Variants in EXOC5 observed in about 807,000 individuals in gnomAD.
EXOC5 encodes the protein exocyst complex component 5, also known as SEC10-like 1.
A neutral mutation model predicts 90.8 loss-of-function variants in EXOC5; 17 were observed. The ratio of observed to expected loss-of-function variants is 0.19; its 90% CI spans 0.13 to 0.28. The LOEUF (loss-of-function observed/expected upper bound fraction) is 0.28, where lower values mean the gene tolerates loss of function less well. Ranked by LOEUF, EXOC5 falls within the 10% of genes least tolerant of loss-of-function variation. The probability of loss-of-function intolerance (pLI) is 1.00; values close to 1 mark genes in which losing one functional copy is unlikely to be tolerated. For missense variants in EXOC5, 569 were observed against 830.6 expected, an observed-to-expected ratio of 0.69 and a Z score of 3.87; for synonymous variants, 260 against 270.0, an observed-to-expected ratio of 0.96 and a Z score of 0.36.
chr14:57,248,584 G>A (rs922530558), intron 1 of EXOC5, among the ~76,000 whole-genome samples: 4 of 152,006 alleles, frequency 2.6e-5, no homozygotes, highest in Middle Eastern at 3.4e-3. Flanking sequence ...AATTTCAAAT[G>A]TTCACCATCA....
At chr14:57,265,443 C>T (rs1045886108) in intron 1 of EXOC5, among the ~76,000 whole-genome samples, 11 of 152,190 alleles carry the variant, frequency 7.2e-5, no homozygotes, top group African/African-American at 2.2e-4. Context: ...AAAGAACTGG[C>T]GGGGCACGGT....
intron 14 of EXOC5, 35 bp from the exon 15 acceptor site, chr14:57,218,103 TAATA>T: frequency 9.6e-7 from 1 of 1,038,966 alleles, no homozygotes; most frequent in Non-Finnish European, 1.5e-6. Flanking sequence ...AGAATCATAT[TAATA>T]GTCTAATATT....
At chr14:57,261,882 A>T (rs1475448393) in intron 1 of EXOC5, among the ~76,000 whole-genome samples, 1 of 152,096 alleles carries the variant, frequency 6.6e-6, no homozygotes, top group Non-Finnish European at 1.5e-5. Flanking sequence ...GCAAATCACT[A>T]CATAGCATCA....
intron 5 of EXOC5, among the ~76,000 whole-genome samples, chr14:57,238,340 C>T (rs1594668166): frequency 1.2e-5 from 1 of 81,576 alleles, no homozygotes; most frequent in East Asian, 3.7e-4. Flanking sequence ...AATATATATC[C>T]TAATTAGACA....
At position 57,201,509 on chromosome 14, in the gene EXOC5, CATAT is replaced by C. The variant is rs1271157259; in HGVS notation, c.*7096_*7099del. The C allele has an allele frequency of 1.4e-5, 2 of 140,186 alleles. No homozygotes were observed. The highest frequency in any genetic ancestry group is 5.7e-5 in the African/African-American group (2 of 35,242). 8.7% of individuals were successfully genotyped at this position (140,186 alleles called of 1,614,324 possible). ...ATAAACACACGTGTATATACACACACATATGTATATATATACACACACACCACAC... is the reference window on the plus strand; with the variant it reads ...ATAAACACACGTGTATATACACACACGTATATATATACACACACACCACAC... On this transcript the variant is annotated 3_prime_UTR_variant, in exon 18 of 18. Coordinates refer to ENST00000621441, the MANE Select transcript of EXOC5 (RefSeq NM_006544.4).
At chr14:57,261,455 T>G (rs1884501802) in intron 1 of EXOC5, among the ~76,000 whole-genome samples, 1 of 152,198 alleles carries the variant, frequency 6.6e-6, no homozygotes, top group Non-Finnish European at 1.5e-5. Flanking sequence ...ATAAAATACT[T>G]AAATGGAACT....
At position 57,247,090 on chromosome 14, in the gene EXOC5, C is replaced by T. The variant is rs559376808; in HGVS notation, c.123-232G>A. ...CCAGGCCACATGGCTTTAAAGCAAA[C>T]ATGACATTTGAAAATATAGCCAGGC... On this transcript the variant is annotated intron_variant, in intron 2 of 17. Transcript: ENST00000621441. Among the ~76,000 whole-genome samples the T allele has an allele frequency of 4.1e-4, 63 of 152,268 alleles. 1 individual carries two copies. The South Asian group carries it at 0.013, about 31-fold the overall frequency.
intron 3 of EXOC5, among the ~76,000 whole-genome samples, chr14:57,245,430 G>T (rs911601635): frequency 2.6e-5 from 4 of 152,020 alleles, no homozygotes; most frequent in African/African-American, 7.3e-5. Flanking sequence ...CCATGAAAAG[G>T]TTAAATTGCT....
chr14:57,244,217 T>C lies in EXOC5; in HGVS notation c.413A>G (p.Asn138Ser). The change falls in exon 4 of 18, where the codon AAT becomes AGT. Residue 138 changes from asparagine (N) to serine (S), a missense_variant. By Grantham distance (46) the Asn-to-Ser change is conservative (BLOSUM62 1). This residue lies in a region of EXOC5 where 97 missense variants were observed against 177.9 expected (regional missense o/e 0.55). Transcript: ENST00000621441. ...TTTCAATTCTCCATCTAGAAACTCATTAAAGTATTTCATCAATTTCTGAGC... is the reference window on the plus strand; with the variant it reads ...TTTCAATTCTCCATCTAGAAACTCACTAAAGTATTTCATCAATTTCTGAGC... ...VEAQKLMKYFNEFLDGELKSD... is the reference protein window; with the variant it reads ...VEAQKLMKYFSEFLDGELKSD... The C allele has an allele frequency of 1.2e-6, 2 of 1,613,824 alleles. No homozygotes were observed. Among genetic ancestry groups the C allele is most frequent in the South Asian group, 1.1e-5 (1 of 91,086 alleles).
intron 9 of EXOC5, among the ~76,000 whole-genome samples, 164 bp downstream of exon 9, chr14:57,233,579 C>T (rs188540936): frequency 6.6e-6 from 1 of 152,142 alleles, no homozygotes; most frequent in East Asian, 1.9e-4. Context: ...TTGGTGAATA[C>T]AAAACATTTT....
At chr14:57,254,359 C>T (rs529793115) in intron 1 of EXOC5, among the ~76,000 whole-genome samples, 2 of 151,666 alleles carry the variant, frequency 1.3e-5, no homozygotes, top group Admixed American at 6.6e-5. Flanking sequence ...CACTTGAACT[C>T]GTGAGGCAGA....
Position 57,204,207 on chromosome 14 carries a change from GAATT to G in EXOC5, c.*4398_*4401del, listed in dbSNP as rs1472188477. On this transcript the variant is annotated 3_prime_UTR_variant, in exon 18 of 18. Transcript: ENST00000621441. ...TACCTCGGGTCTAGTTCAAAAATAG[GAATT>G]TTGTTAAGCCCAGGGGCAGCCTAGC... The G allele has an allele frequency of 6.6e-6, 1 of 152,100 alleles. No homozygotes were observed. The highest frequency in any genetic ancestry group is 2.4e-5 in the African/African-American group (1 of 41,434). The allele number at this position is 152,100 out of a possible 1,614,324, so 9.4% of individuals were successfully genotyped here.
intron 1 of EXOC5, among the ~76,000 whole-genome samples, chr14:57,248,430 C>G (rs1238458966): frequency 2.0e-5 from 3 of 151,472 alleles, no homozygotes; most frequent in African/African-American, 7.3e-5. Flanking sequence ...CTTTTAAAAT[C>G]ATGATAATGT....
At chr14:57,255,493 C>T (rs1014043343) in intron 1 of EXOC5, among the ~76,000 whole-genome samples, 11 of 151,936 alleles carry the variant, frequency 7.2e-5, no homozygotes, top group Non-Finnish European at 1.5e-4. Context: ...ATAAACCACA[C>T]CAACCAGAGG....
At chr14:57,210,105 C>G in intron 15 of EXOC5, 44 bp from the exon 16 acceptor site, 2 of 843,328 alleles carry the variant, frequency 2.4e-6, no homozygotes. Flanking sequence ...ATCTAACTTA[C>G]TCTATGTTTA....
At chr14:57,228,810 C>T (rs919775391) in intron 12 of EXOC5, among the ~76,000 whole-genome samples, 1 of 134,652 alleles carries the variant, frequency 7.4e-6, no homozygotes, top group African/African-American at 2.8e-5. Context: ...ACCTATGTAA[C>T]AAACCTGCAT....
chr14:57,260,458 T>C (rs2139669359), intron 1 of EXOC5, among the ~76,000 whole-genome samples: 1 of 152,332 alleles, frequency 6.6e-6, no homozygotes, highest in East Asian at 1.9e-4. Context: ...ATTAATCATG[T>C]TATCAAAATT....
intron 5 of EXOC5, among the ~76,000 whole-genome samples, chr14:57,239,054 A>G (rs912023972): frequency 1.3e-5 from 2 of 152,088 alleles, no homozygotes; most frequent in East Asian, 1.9e-4. Flanking sequence ...TTTAAAAAAA[A>G]GGGGTTCTTA....
chr14:57,241,495 G>T (rs1315832855), intron 4 of EXOC5, among the ~76,000 whole-genome samples: 3 of 152,190 alleles, frequency 2.0e-5, no homozygotes, highest in Non-Finnish European at 4.4e-5. Context: ...TCCATAAGGA[G>T]TTTTTGTTCT....
Sources: allele counts gnomAD v4.1 joint callset (sites outside exome capture counted in the v4.1 genomes callset), GRCh38; gene constraint gnomAD v4.1.1; regional missense constraint gnomAD v4.1.1; transcripts MANE v1.5; gene names NCBI Gene and HGNC (gene_info 2026-07-23, HGNC 2026-07-21).